MACROD1: variants seen among roughly 807,000 people sequenced by gnomAD.
MACROD1 encodes mono-ADP ribosylhydrolase 1, also known as ADP-ribose glycohydrolase MACROD1.
MACROD1 carries 31 observed loss-of-function variants against 41.4 expected under a neutral mutation model. The ratio of observed to expected loss-of-function variants is 0.75; its 90% CI spans 0.56 to 1.01. The LOEUF (loss-of-function observed/expected upper bound fraction) is 1.01. MACROD1 is among the 50% of genes least tolerant of loss of function. The pLI is 0.00. For synonymous variants in MACROD1, 252 were observed against 203.4 expected, an observed-to-expected ratio of 1.24 and a Z score of -2.03; for missense variants, 473 against 460.0, an observed-to-expected ratio of 1.03 and a Z score of -0.26.
intron 3 of MACROD1, among the ~76,000 whole-genome samples, chr11:64,148,247 G>T (rs1345949525): frequency 6.6e-6 from 1 of 152,144 alleles, no homozygotes; most frequent in Non-Finnish European, 1.5e-5. Flanking sequence ...AGGGTGGGGG[G>T]TTGGGAGCTC....
intron 4 of MACROD1, among the ~76,000 whole-genome samples, chr11:64,010,674 T>A (rs1489194716): frequency 6.7e-6 from 1 of 149,812 alleles, no homozygotes; most frequent in African/African-American, 2.5e-5. Context: ...CTGGCTGGTG[T>A]GTTGGTTGGG....
chr11:64,075,793 C>T (rs1944189736), intron 3 of MACROD1, among the ~76,000 whole-genome samples: 1 of 152,264 alleles, frequency 6.6e-6, no homozygotes, highest in Non-Finnish European at 1.5e-5. Context: ...CTGCCTCAGC[C>T]TCCCAAGTAG....
At chr11:64,131,621 C>T (rs1945267463) in intron 3 of MACROD1, among the ~76,000 whole-genome samples, 1 of 152,156 alleles carries the variant, frequency 6.6e-6, no homozygotes, top group South Asian at 2.1e-4. Flanking sequence ...CCACCGCGCC[C>T]AGCCCCTCAG....
At chr11:64,142,508 G>A (rs892187546) in intron 3 of MACROD1, among the ~76,000 whole-genome samples, 1 of 152,202 alleles carries the variant, frequency 6.6e-6, no homozygotes, top group Non-Finnish European at 1.5e-5. Flanking sequence ...TGGGGTGGAA[G>A]GACCCTGGAA....
At position 64,000,253 on chromosome 11, in the gene MACROD1, G is replaced by A; in HGVS notation, c.638C>T (p.Thr213Ile). ...QSCKTGKAKI[T>I]GGYRLPAKYV... The stretch of plus-strand genomic sequence containing the variant: ...CTTGGCCGGGAGCCGATAGCCGCCG[G>A]TGATCTTGGCCTTGCCAGTCTTACA... The change falls in exon 5 of 11, where the codon ACC becomes ATC. Residue 213 changes from threonine to isoleucine, a missense_variant. By Grantham distance (89) the Thr-to-Ile change is moderately conservative. Transcript: ENST00000255681. The A allele has an allele frequency of 6.2e-7, 1 of 1,607,254 alleles. No individual in the cohort carries two copies. Among genetic ancestry groups the A allele is most frequent in the African/African-American group, 1.3e-5 (1 of 74,912 alleles).
intron 3 of MACROD1, among the ~76,000 whole-genome samples, chr11:64,094,665 C>T (rs1289946036): frequency 6.6e-6 from 1 of 152,204 alleles, no homozygotes; most frequent in Non-Finnish European, 1.5e-5. Context: ...GTGGCTGCTG[C>T]GGGCGGGACC....
chr11:63,999,248 C>A, intron 8 of MACROD1, 83 bp downstream of exon 8: 1 of 1,497,668 alleles, frequency 6.7e-7, no homozygotes. Context: ...CTGCGCTCTG[C>A]ACCCTGACTC....
chr11:64,091,016 G>A (rs1944480080), intron 3 of MACROD1, among the ~76,000 whole-genome samples: 2 of 151,602 alleles, frequency 1.3e-5, no homozygotes, highest in African/African-American at 2.4e-5. Context: ...CCTAGGAGAA[G>A]GGGGAGGAGG....
At chr11:64,150,866 G>A (rs753727704) in intron 3 of MACROD1, among the ~76,000 whole-genome samples, 17 of 152,312 alleles carry the variant, frequency 1.1e-4, no homozygotes, top group Non-Finnish European at 2.1e-4. Context: ...GGTCTGAAGC[G>A]GGGGCAGGCC....
At chr11:64,117,548 C>A in intron 3 of MACROD1, 1 of 1,604,182 alleles carries the variant, frequency 6.2e-7, no homozygotes, top group Non-Finnish European at 8.5e-7. Context: ...CCAACATTGA[C>A]TACCCCATGG....
chr11:64,037,019 G>A (rs1195698679), intron 3 of MACROD1, among the ~76,000 whole-genome samples: 1 of 152,230 alleles, frequency 6.6e-6, no homozygotes, highest in Admixed American at 6.5e-5. Context: ...CGGTGGCCCC[G>A]GGAGGTCTTC....
intron 3 of MACROD1, among the ~76,000 whole-genome samples, chr11:64,098,123 G>A (rs1590904760): frequency 6.6e-6 from 1 of 152,148 alleles, no homozygotes; most frequent in Non-Finnish European, 1.5e-5. Context: ...GCACCTTCCA[G>A]GTCTCCATGC....
intron 3 of MACROD1, among the ~76,000 whole-genome samples, chr11:64,048,348 C>T (rs1943625215): frequency 6.6e-6 from 1 of 152,222 alleles, no homozygotes; most frequent in African/African-American, 2.4e-5. Flanking sequence ...CCTGCCCTGA[C>T]CCGGGGTCAG....
intron 3 of MACROD1, among the ~76,000 whole-genome samples, chr11:64,149,219 C>T (rs1472422001): frequency 1.3e-5 from 2 of 152,152 alleles, no homozygotes; most frequent in African/African-American, 2.4e-5. Flanking sequence ...TGCTGAGCCC[C>T]GATTCCCGCC....
chr11:64,157,331 T>C (rs564075829), intron 1 of MACROD1, among the ~76,000 whole-genome samples: 70 of 152,300 alleles, frequency 4.6e-4, no homozygotes, highest in African/African-American at 1.7e-3. Flanking sequence ...TGACCTCAGA[T>C]GATCCACCTG....
rs1943953430 is a variant in MACROD1, at chr11:64,064,136, C to G, written c.518-48855G>C. Reference sequence around the variant, plus strand: ...CAAGCCCCTCGGTCTCTCCCACTCTCCCTTTCAGCATCTTCTCTCTCTTGT... The same window carrying G: ...CAAGCCCCTCGGTCTCTCCCACTCTGCCTTTCAGCATCTTCTCTCTCTTGT... On this transcript the variant is annotated intron_variant, in intron 3 of 10. Coordinates refer to ENST00000255681, the MANE Select transcript of MACROD1 (RefSeq NM_014067.4). The surrounding 1 kb of genome is among the most constrained non-coding windows in gnomAD (Gnocchi z 4.5). 6.6e-6 allele frequency among the ~76,000 whole-genome samples: 1 copy of G among 152,202 alleles called. No homozygotes were observed. Among genetic ancestry groups the G allele is most frequent in the Non-Finnish European group, 1.5e-5 (1 of 68,040 alleles).
At chr11:64,116,446 G>A in intron 3 of MACROD1, 1 of 1,614,036 alleles carries the variant, frequency 6.2e-7, no homozygotes, top group Non-Finnish European at 8.5e-7. Context: ...GTGTGCCGCT[G>A]CGACAACGGC....
At chr11:64,098,472 T>C (rs933190795) in intron 3 of MACROD1, among the ~76,000 whole-genome samples, 3 of 152,210 alleles carry the variant, frequency 2.0e-5, no homozygotes, top group African/African-American at 7.2e-5. Context: ...ATGCTCTCCC[T>C]GCCCCCAGCC....
At chr11:64,108,282 C>T (rs961938066) in intron 3 of MACROD1, among the ~76,000 whole-genome samples, 34 of 150,610 alleles carry the variant, frequency 2.3e-4, no homozygotes, top group African/African-American at 8.3e-4. Flanking sequence ...CATTGCACTC[C>T]AGCCTGGGCA....
Sources: gnomAD v4.1 joint callset for allele counts (sites outside exome capture counted in the v4.1 genomes callset) on GRCh38, gnomAD v4.1.1 for gene constraint, Gnocchi (gnomAD v3.1) non-coding constraint, MANE v1.5 for transcripts, NCBI Gene and HGNC (gene_info 2026-07-23, HGNC 2026-07-21) for gene names.